The following SCARA5 variants were observed in gnomAD, a reference collection of about 807,000 sequenced individuals.
SCARA5 encodes the protein scavenger receptor class A, member 5 (putative).
Under a neutral mutation model 46.3 loss-of-function variants are expected in SCARA5, and 45 were observed. The ratio of observed to expected loss-of-function variants is 0.97; its 90% confidence interval spans 0.76 to 1.24. The LOEUF is 1.24. SCARA5 is among the 50% of genes most tolerant of loss of function. The pLI is 0.00. For missense variants in SCARA5, 680 were observed against 689.0 expected (o/e 0.99, Z 0.15); for synonymous variants, 333 against 306.5 (o/e 1.09, Z -0.90).
chr8:27,961,753 A>G (rs978771521), intron 3 of SCARA5, among the ~76,000 whole-genome samples: 3 of 152,218 alleles, frequency 2.0e-5, no homozygotes, highest in African/African-American at 7.2e-5. Flanking sequence ...TCAATGCAGT[A>G]TATAACATGG....
intron 3 of SCARA5, among the ~76,000 whole-genome samples, chr8:27,951,988 A>C (rs1808134934): frequency 6.6e-6 from 1 of 152,158 alleles, no homozygotes; most frequent in African/African-American, 2.4e-5. Context: ...ATGTCCACCC[A>C]GAACCTATTT....
At chr8:27,888,177 G>T (rs1357048469) in intron 7 of SCARA5, among the ~76,000 whole-genome samples, 3 of 152,126 alleles carry the variant, frequency 2.0e-5, no homozygotes, top group Non-Finnish European at 1.5e-5. Context: ...TCCCGCCTCA[G>T]CCTCCCAAGT....
At chr8:27,988,453 C>T (rs908357077) in intron 1 of SCARA5, among the ~76,000 whole-genome samples, 2 of 152,202 alleles carry the variant, frequency 1.3e-5, no homozygotes, top group Admixed American at 6.5e-5. Flanking sequence ...GTGTACAACA[C>T]GATCCCATTT....
Position 27,871,950 on chromosome 8 carries a change from G to T in SCARA5, c.1472C>A (p.Thr491Lys). The part of the protein sequence containing the change: ...NCGHAEDASV[T>K]CNRH ...TGCCCACTTTCAGTGTCTGTTGCAT[G>T]TCACGCTGGCATCTTCGGCATGTCC... Residue 491 changes from threonine (T) to lysine (K), a missense_variant, in exon 9 of 9, where the codon ACA becomes AAA. By Grantham distance (78) the Thr-to-Lys change is moderately conservative. Transcript: ENST00000354914. The T allele has an allele frequency of 1.2e-6, 2 of 1,614,228 alleles. No individual in the cohort carries two copies. The highest frequency in any genetic ancestry group is 1.7e-6 in the Non-Finnish European group (2 of 1,180,054).
At chr8:27,923,429 C>CA (rs1431162514) in intron 3 of SCARA5, among the ~76,000 whole-genome samples, 3 of 152,240 alleles carry the variant, frequency 2.0e-5, no homozygotes, top group African/African-American at 7.2e-5. Flanking sequence ...CATTCTCCAA[C>CA]AGCCCTGTCT....
chr8:27,902,121 G>T (rs80322344), intron 7 of SCARA5, among the ~76,000 whole-genome samples: 291 of 152,272 alleles, frequency 1.9e-3, no homozygotes, highest in Non-Finnish European at 3.7e-3. Context: ...CTTGTCAGAG[G>T]GCAGGAAAGA....
At chr8:27,911,560 T>C (rs930636897) in intron 4 of SCARA5, among the ~76,000 whole-genome samples, 3 of 152,074 alleles carry the variant, frequency 2.0e-5, no homozygotes, top group African/African-American at 7.2e-5. Context: ...GGCATGGTGG[T>C]GGGCGCCTGT....
chr8:27,904,974 G>T (rs1807227717), intron 6 of SCARA5, 140 bp from the exon 7 acceptor site: 9 of 743,012 alleles, frequency 1.2e-5, no homozygotes, highest in Non-Finnish European at 2.0e-5. Flanking sequence ...AGCCCAGCAG[G>T]CAGGAGAAGA....
chr8:27,966,974 T>G (rs1176172137), intron 2 of SCARA5, among the ~76,000 whole-genome samples: 1 of 152,142 alleles, frequency 6.6e-6, no homozygotes, highest in Non-Finnish European at 1.5e-5. Flanking sequence ...ATGAGAGAAA[T>G]GGGCCCAGTG....
intron 7 of SCARA5, among the ~76,000 whole-genome samples, chr8:27,894,033 T>TA (rs1216588293): frequency 1.3e-5 from 2 of 152,228 alleles, no homozygotes; most frequent in African/African-American, 4.8e-5. Context: ...AGCCAAGTTC[T>TA]GGGTACTACC....
intron 2 of SCARA5, 24 bp downstream of exon 2, chr8:27,987,480 C>T (rs372840232): frequency 1.9e-6 from 3 of 1,556,454 alleles, no homozygotes; most frequent in Non-Finnish European, 2.7e-6. Context: ...TCTTGTGCCC[C>T]AAGTCTGAGC....
At position 27,909,717 on chromosome 8, in the gene SCARA5, C is replaced by G. The variant is rs1369148418; in HGVS notation, c.943G>C (p.Gly315Arg). 6.4e-7 allele frequency: 1 copy of G among 1,551,346 alleles called. No individual in the cohort carries two copies. The highest frequency in any genetic ancestry group is 1.4e-5 in the African/African-American group (1 of 73,012). The change falls in exon 5 of 9, where the codon GGG becomes CGG. Residue 315 changes from glycine (G) to arginine (R), a missense_variant. Transcript: ENST00000354914. Reference protein sequence around the residue: ...KGPPGPKGDQGDEGKEGRPGI... With the variant: ...KGPPGPKGDQRDEGKEGRPGI... ...GGCCTGCCTTCCTTTCCTTCATCCCCCTGATCACCTTTGGGTCCCGGTGGC... is the reference window on the plus strand; with the variant it reads ...GGCCTGCCTTCCTTTCCTTCATCCCGCTGATCACCTTTGGGTCCCGGTGGC...
intron 3 of SCARA5, among the ~76,000 whole-genome samples, chr8:27,934,424 G>A (rs1807824148): frequency 6.6e-6 from 1 of 152,160 alleles, no homozygotes. Context: ...AACTCAGAGT[G>A]TTCTCACAAC....
intron 3 of SCARA5, among the ~76,000 whole-genome samples, chr8:27,965,771 C>T (rs1011330395): frequency 3.3e-5 from 5 of 152,240 alleles, no homozygotes; most frequent in Non-Finnish European, 7.3e-5. Context: ...CTACAGCCAT[C>T]TGCTTCACCA....
intron 2 of SCARA5, among the ~76,000 whole-genome samples, chr8:27,969,395 C>T (rs1392540343): frequency 2.6e-5 from 4 of 152,062 alleles, no homozygotes; most frequent in Admixed American, 2.6e-4. Context: ...TAAAATAAGC[C>T]AATCTAAAAA....
In SCARA5 at chr8:27,891,214, T is replaced by G. The variant is rs1352012247; in HGVS notation, c.1154-11448A>C. On this transcript the variant is annotated intron_variant, in intron 7 of 8. Transcript: ENST00000354914. ...CAATAGGTTTGTTTTTTTTTTGTTT[T>G]TTTTTTTAAATGGAGGAGTCTCGCT... is the stretch of plus-strand genomic sequence containing the variant. Among the ~76,000 whole-genome samples, 148 of 151,844 alleles carry G rather than the reference T, an allele frequency of 9.7e-4. 1 individual carries two copies. The highest frequency in any genetic ancestry group is 2.9e-3 in the African/African-American group (122 of 41,402).
chr8:27,887,718 C>G (rs1021601933), intron 7 of SCARA5, among the ~76,000 whole-genome samples: 1 of 152,140 alleles, frequency 6.6e-6, no homozygotes, highest in Non-Finnish European at 1.5e-5. Context: ...GAACTGGGGA[C>G]CACAAGCCCG....
intron 2 of SCARA5, among the ~76,000 whole-genome samples, chr8:27,978,543 A>T (rs1320035925): frequency 6.6e-6 from 1 of 151,352 alleles, no homozygotes; most frequent in Non-Finnish European, 1.5e-5. Flanking sequence ...ACAGGCTCTC[A>T]CTCTGTCGCC....
intron 1 of SCARA5, among the ~76,000 whole-genome samples, chr8:27,988,717 T>C (rs1192842962): frequency 6.6e-6 from 1 of 152,266 alleles, no homozygotes. Flanking sequence ...GCTCAGTGAC[T>C]TTACAAATTA....
Sources: gnomAD v4.1 joint callset for allele counts (sites outside exome capture counted in the v4.1 genomes callset) on GRCh38, gnomAD v4.1.1 for gene constraint, MANE v1.5 for transcripts, NCBI Gene and HGNC (gene_info 2026-07-23, HGNC 2026-07-21) for gene names.